Variants in GNAL observed in about 807,000 individuals in gnomAD.
GNAL encodes the protein guanine nucleotide-binding protein G(olf) subunit alpha.
In GNAL, 18 loss-of-function variants were observed where a neutral mutation model predicts 55.1. That is an observed-to-expected ratio of 0.33 (90% confidence interval 0.23 to 0.48). GNAL has a LOEUF of 0.48. Ranked by LOEUF, GNAL falls within the 20% of genes least tolerant of loss-of-function variation. The pLI is 0.99. For synonymous variants in GNAL, 253 were observed against 237.0 expected (o/e 1.07, Z -0.62); for missense variants, 412 against 614.1 (o/e 0.67, Z 3.48).
chr18:11,695,814 T>A (rs2031388797), intron 1 of GNAL, among the ~76,000 whole-genome samples: 1 of 152,236 alleles, frequency 6.6e-6, no homozygotes, highest in Non-Finnish European at 1.5e-5. Context: ...TTGGGACATT[T>A]GCTGGCTTTC....
In GNAL at chr18:11,883,449, G is replaced by GA. The variant is rs145486167; in HGVS notation, c.*2322dup. 13,873 of 152,630 alleles carry GA rather than the reference G, an allele frequency of 0.091. 1,399 individuals are homozygous for GA. Among genetic ancestry groups the GA allele is most frequent in the African/African-American group, 0.25 (10,430 of 41,308 alleles). 9.5% of individuals were successfully genotyped at this position (152,630 alleles called of 1,614,324 possible). On this transcript the variant is annotated 3_prime_UTR_variant, in exon 12 of 12. Transcript: ENST00000334049. ...ATTCAAACAACAGCCAGACTGTTAAGAAAAAAAACAAAAAGAATAACTTTT... is the reference window on the plus strand; with the variant it reads ...ATTCAAACAACAGCCAGACTGTTAAGAAAAAAAAACAAAAAGAATAACTTTT...
intron 1 of GNAL, among the ~76,000 whole-genome samples, chr18:11,697,876 G>A (rs977159618): frequency 6.6e-6 from 1 of 152,240 alleles, no homozygotes; most frequent in Admixed American, 6.5e-5. Context: ...CTGGAGAGCA[G>A]CTGGGCATTT....
chr18:11,699,060 A>G (rs1040337245), intron 1 of GNAL, among the ~76,000 whole-genome samples: 2 of 152,226 alleles, frequency 1.3e-5, no homozygotes, highest in Non-Finnish European at 2.9e-5. Flanking sequence ...CATGATATTG[A>G]AAGTGATAAT....
intron 5 of GNAL, among the ~76,000 whole-genome samples, chr18:11,840,680 G>T (rs1346215589): frequency 6.6e-6 from 1 of 152,028 alleles, no homozygotes; most frequent in African/African-American, 2.4e-5. Flanking sequence ...TTCTTCCCTG[G>T]AATGATCTAC....
At chr18:11,708,498 T>C (rs1417426726) in intron 1 of GNAL, among the ~76,000 whole-genome samples, 1 of 152,118 alleles carries the variant, frequency 6.6e-6, no homozygotes, top group Non-Finnish European at 1.5e-5. Flanking sequence ...TTAACAGATA[T>C]AATAATAATG....
chr18:11,808,041 T>A (rs1184302402), intron 4 of GNAL, among the ~76,000 whole-genome samples: 11 of 141,164 alleles, frequency 7.8e-5, no homozygotes, highest in Admixed American at 4.8e-4. Flanking sequence ...TTTTTTTTTT[T>A]AAAGACTTTG....
chr18:11,885,640 T>C lies in GNAL; in HGVS notation c.*4505T>C, dbSNP rs781195363. 5.6e-6 allele frequency: 9 copies of C among 1,594,102 alleles called. No homozygotes were observed. Among genetic ancestry groups the C allele is most frequent in the Admixed American group, 1.7e-5 (1 of 58,162 alleles). ...ATTACTGTGTTGATTTAAATACTTA[T>C]GAAAGCTTTCAGACAAAAATAAACT... is the stretch of plus-strand genomic sequence containing the variant. On this transcript the variant is annotated 3_prime_UTR_variant, in exon 12 of 12. Transcript: ENST00000334049.
chr18:11,738,193 C>T (rs1320682669), intron 1 of GNAL, among the ~76,000 whole-genome samples: 1 of 152,210 alleles, frequency 6.6e-6, no homozygotes, highest in Non-Finnish European at 1.5e-5. Context: ...GGGCTCCCAA[C>T]ATGAGCTTAG....
chr18:11,788,932 TATATACAC>T (rs2034152020), intron 4 of GNAL, among the ~76,000 whole-genome samples: 1 of 135,098 alleles, frequency 7.4e-6, no homozygotes, highest in Non-Finnish European at 1.5e-5. Flanking sequence ...TATATATATA[TATATACAC>T]ATATATATCA....
chr18:11,845,868 C>G (rs567615266), intron 5 of GNAL, among the ~76,000 whole-genome samples: 73 of 152,184 alleles, frequency 4.8e-4, no homozygotes, highest in African/African-American at 1.6e-3. Context: ...TGTGTCAGCT[C>G]TATATGGTCT....
chr18:11,761,467 C>G (rs956963833), intron 4 of GNAL, among the ~76,000 whole-genome samples: 3 of 152,092 alleles, frequency 2.0e-5, no homozygotes, highest in East Asian at 1.9e-4. Flanking sequence ...GAGCTCGGCT[C>G]TCCTTCTCTT....
intron 5 of GNAL, among the ~76,000 whole-genome samples, chr18:11,828,564 A>G (rs1052767652): frequency 1.3e-5 from 2 of 152,134 alleles, no homozygotes; most frequent in African/African-American, 2.4e-5. Flanking sequence ...TATGCGTTCT[A>G]TCATCCTTTT....
chr18:11,835,105 C>G (rs572335999), intron 5 of GNAL, among the ~76,000 whole-genome samples: 1 of 152,188 alleles, frequency 6.6e-6, no homozygotes, highest in Non-Finnish European at 1.5e-5. Context: ...CAGATAGATG[C>G]ATTTTTCAAA....
rs1423167827 is a variant in GNAL, at chr18:11,752,673, G to A, written c.377-180G>A. ...GCTGGGCGGGCAGGGCCGGGCGAGG[G>A]TCGCGCGCACCTCTGGGCCGCGGAG... On this transcript the variant is annotated intron_variant, in intron 1 of 11. Transcript: ENST00000334049. The surrounding 1 kb of genome is among the most constrained non-coding windows in gnomAD (Gnocchi z 4.5). 3.1e-6 allele frequency: 4 copies of A among 1,298,010 alleles called. No homozygotes were observed. The highest frequency in any genetic ancestry group is 6.2e-5 in the East Asian group (2 of 32,338). The allele number at this position is 1,298,010 out of a possible 1,614,324, so 80.4% of individuals were successfully genotyped here.
intron 5 of GNAL, among the ~76,000 whole-genome samples, chr18:11,845,337 GAAGC>G (rs1412321540): frequency 6.6e-6 from 1 of 151,982 alleles, no homozygotes. Flanking sequence ...TTTCCATCCA[GAAGC>G]ATGTTTTCAG....
At chr18:11,820,928 A>T (rs1207634185) in intron 4 of GNAL, among the ~76,000 whole-genome samples, 1 of 152,216 alleles carries the variant, frequency 6.6e-6, no homozygotes, top group African/African-American at 2.4e-5. Flanking sequence ...ATGCTCCAGA[A>T]ATTCTGTATC....
intron 1 of GNAL, among the ~76,000 whole-genome samples, chr18:11,721,183 G>T (rs1382193451): frequency 6.6e-6 from 1 of 152,194 alleles, no homozygotes; most frequent in East Asian, 1.9e-4. Flanking sequence ...AAACATTAAT[G>T]AAACTGACGA....
intron 1 of GNAL, among the ~76,000 whole-genome samples, chr18:11,736,814 G>C (rs1048709023): frequency 1.3e-5 from 2 of 152,178 alleles, no homozygotes; most frequent in Non-Finnish European, 2.9e-5. Flanking sequence ...GTATATGGAT[G>C]GTTGATTAGT....
chr18:11,753,216 TA>T (rs1055195590), intron 2 of GNAL, among the ~76,000 whole-genome samples: 3 of 127,942 alleles, frequency 2.3e-5, no homozygotes, highest in East Asian at 2.2e-4. Context: ...TATCTCGATA[TA>T]TTTTTTTCAA....
Sources: allele counts gnomAD v4.1 joint callset (sites outside exome capture counted in the v4.1 genomes callset), GRCh38; gene constraint gnomAD v4.1.1; non-coding constraint Gnocchi (gnomAD v3.1); transcripts MANE v1.5; gene names NCBI Gene and HGNC (gene_info 2026-07-23, HGNC 2026-07-21).